CMBL: variants seen among roughly 807,000 people sequenced by gnomAD.
CMBL encodes carboxymethylenebutenolidase homolog (Pseudomonas).
Under a neutral mutation model 28.7 loss-of-function variants are expected in CMBL, and 17 were observed. The ratio of observed to expected loss-of-function variants is 0.59; its 90% CI spans 0.41 to 0.89. The LOEUF is 0.89. Among genes scored for constraint, CMBL ranks in the 40% least tolerant of loss-of-function variants. The pLI is 0.00. For missense variants in CMBL, 310 were observed against 298.5 expected, an observed-to-expected ratio of 1.04 and a Z score of -0.28; for synonymous variants, 106 against 101.6, an observed-to-expected ratio of 1.04 and a Z score of -0.26.
chr5:10,298,127 G>A (rs73052331), intron 1 of CMBL, among the ~76,000 whole-genome samples: 6,419 of 151,174 alleles, frequency 0.042, 225 homozygotes, highest in South Asian at 0.13. Context: ...GGGGGCAGGA[G>A]GGACCTGTGG....
At chr5:10,290,512 A>T (rs746342886) in intron 2 of CMBL, 36 bp downstream of exon 2, 1 of 1,550,880 alleles carries the variant, frequency 6.4e-7, no homozygotes, top group Non-Finnish European at 8.9e-7. Context: ...TGAAATTTGT[A>T]TGAATTTAAA....
chr5:10,288,021 A>G (rs1579472198), intron 3 of CMBL, among the ~76,000 whole-genome samples: 1 of 148,692 alleles, frequency 6.7e-6, no homozygotes, highest in South Asian at 2.3e-4. Context: ...GTGAGCCACC[A>G]TGCCCGGCCT....
chr5:10,291,247 C>A (rs917067330), intron 1 of CMBL, among the ~76,000 whole-genome samples: 3 of 152,162 alleles, frequency 2.0e-5, no homozygotes, highest in African/African-American at 7.2e-5. Flanking sequence ...CAATGTCGAG[C>A]CCCAAAGGTT....
chr5:10,281,053 C>T (rs1472962011), intron 5 of CMBL, among the ~76,000 whole-genome samples: 4 of 152,228 alleles, frequency 2.6e-5, no homozygotes, highest in South Asian at 4.1e-4. Flanking sequence ...GGATTACAGG[C>T]GTGAGCCACG....
In CMBL at chr5:10,282,180, A is replaced by G. The variant is rs746082601; in HGVS notation, c.558+17T>C. 3.2e-6 allele frequency: 5 copies of G among 1,555,400 alleles called. No individual in the cohort carries two copies. Among genetic ancestry groups the G allele is most frequent in the Non-Finnish European group, 4.4e-6 (5 of 1,126,742 alleles). ...ATCTCAAATAAATAAATACGAAGAG[A>G]AAAGATGCCAACTTACGTCCTTGAG... On this transcript the variant is annotated intron_variant, in intron 5 of 5. Coordinates refer to ENST00000296658, the MANE Select transcript of CMBL (RefSeq NM_138809.4).
At chr5:10,295,085 A>AT (rs538421564) in intron 1 of CMBL, among the ~76,000 whole-genome samples, 19,012 of 143,448 alleles carry the variant, frequency 0.13, 1,616 homozygotes, top group African/African-American at 0.24. Flanking sequence ...CTACTTGCTG[A>AT]TTTTTTTTTT....
At chr5:10,294,099 T>C (rs916397082) in intron 1 of CMBL, among the ~76,000 whole-genome samples, 13 of 152,132 alleles carry the variant, frequency 8.5e-5, no homozygotes, top group South Asian at 2.1e-4. Context: ...GGTAGAAGCA[T>C]GTCTGACATG....
chr5:10,286,815 C>G (rs1203691808), intron 3 of CMBL, among the ~76,000 whole-genome samples: 1 of 152,218 alleles, frequency 6.6e-6, no homozygotes, highest in Non-Finnish European at 1.5e-5. Context: ...CCACAGCCCA[C>G]AGCACGGTTC....
At chr5:10,288,570 G>T in intron 2 of CMBL, 41 bp from the exon 3 acceptor site, 4 of 1,381,168 alleles carry the variant, frequency 2.9e-6, no homozygotes, top group East Asian at 2.3e-5. Context: ...TTTCAGAGTT[G>T]CTTGACTCAG....
At position 10,280,231 on chromosome 5, in the gene CMBL, A is replaced by C; in HGVS notation, c.*222T>G. The C allele has an allele frequency of 2.4e-6, 1 of 410,004 alleles. No homozygotes were observed. The allele number at this position is 410,004 out of a possible 1,614,324, so 25.4% of individuals were successfully genotyped here. On this transcript the variant is annotated 3_prime_UTR_variant, in exon 6 of 6. Coordinates refer to ENST00000296658, the MANE Select transcript of CMBL (RefSeq NM_138809.4). ...TGGAATTACAGGCATGAGGCACTAC[A>C]CCTGGTCAGACCTTGTTTTTAAATT...
chr5:10,285,262 G>A (rs560790042), intron 4 of CMBL, among the ~76,000 whole-genome samples: 3 of 152,262 alleles, frequency 2.0e-5, no homozygotes, highest in South Asian at 4.1e-4. Flanking sequence ...TCCACCTCCC[G>A]GGTTCAAGCG....
chr5:10,293,067 T>C, intron 1 of CMBL, among the ~76,000 whole-genome samples: 1 of 152,204 alleles, frequency 6.6e-6, no homozygotes, highest in East Asian at 1.9e-4. Flanking sequence ...TGGATTACCA[T>C]GTTACCATGA....
At position 10,289,162 on chromosome 5, in the gene CMBL, T is replaced by C. The variant is rs1561063050; in HGVS notation, c.216-633A>G. The stretch of plus-strand genomic sequence containing the variant: ...TTCCCAAAATAGAATTGCCACCTGG[T>C]TGGAGGAACAGGGCTCCTCCTATAG... On this transcript the variant is annotated intron_variant, in intron 2 of 5. Coordinates refer to ENST00000296658, the MANE Select transcript of CMBL (RefSeq NM_138809.4). The surrounding 1 kb of genome is among the most constrained non-coding windows in gnomAD (Gnocchi z 4.3). 1.3e-5 allele frequency among the ~76,000 whole-genome samples: 2 copies of C among 152,146 alleles called. No homozygotes were observed. The highest frequency in any genetic ancestry group is 4.8e-5 in the African/African-American group (2 of 41,428).
rs569188702 is a variant in CMBL at position 10,298,662 on chromosome 5, G to A, written c.-19-7881C>T. Among the ~76,000 whole-genome samples the A allele has an allele frequency of 4.0e-4, 61 of 152,338 alleles. 1 individual carries two copies. The South Asian group carries it at 0.012, about 29-fold the overall frequency. On this transcript the variant is annotated intron_variant, in intron 1 of 5. Transcript: ENST00000296658. ...AATCCCAGCACTCTGGGAGGCCAAG[G>A]CTGGTGGATCACCTGAGGTCAGGAG... is the stretch of plus-strand genomic sequence containing the variant.
chr5:10,288,368 C>T, intron 3 of CMBL, 54 bp downstream of exon 3: 1 of 1,304,990 alleles, frequency 7.7e-7, no homozygotes, highest in Non-Finnish European at 1.1e-6. Context: ...GCCCACCCAG[C>T]TCTCACCTCC....
intron 1 of CMBL, among the ~76,000 whole-genome samples, chr5:10,301,334 G>C (rs1044876029): frequency 1.3e-5 from 2 of 152,236 alleles, no homozygotes; most frequent in African/African-American, 4.8e-5. Flanking sequence ...CTGGACTGTA[G>C]TTTTCTTGGT....
At chr5:10,280,966 G>T (rs1746489020) in intron 5 of CMBL, among the ~76,000 whole-genome samples, 1 of 152,018 alleles carries the variant, frequency 6.6e-6, no homozygotes, top group African/African-American at 2.4e-5. Context: ...TAGAGACAGG[G>T]TTTCACCATG....
chr5:10,305,054 G>A (rs1011256622), intron 1 of CMBL, among the ~76,000 whole-genome samples: 2 of 152,192 alleles, frequency 1.3e-5, no homozygotes, highest in African/African-American at 4.8e-5. Flanking sequence ...GCATGACAGA[G>A]TCCTCGTTAC....
At chr5:10,300,057 A>G (rs1191765140) in intron 1 of CMBL, among the ~76,000 whole-genome samples, 2 of 152,230 alleles carry the variant, frequency 1.3e-5, no homozygotes, top group Non-Finnish European at 2.9e-5. Context: ...CTCCCCGTGC[A>G]TGTGACCTTA....
Sources: gnomAD v4.1 joint callset for allele counts (sites outside exome capture counted in the v4.1 genomes callset) on GRCh38, gnomAD v4.1.1 for gene constraint, Gnocchi (gnomAD v3.1) non-coding constraint, MANE v1.5 for transcripts, NCBI Gene and HGNC (gene_info 2026-07-23, HGNC 2026-07-21) for gene names.